The following SIK3 variants were observed in gnomAD, a reference collection of about 807,000 sequenced individuals.
SIK3 encodes serine/threonine-protein kinase SIK3.
A neutral mutation model predicts 144.2 loss-of-function variants in SIK3; 28 were observed. The observed-to-expected ratio is 0.19, with a 90% CI of 0.14 to 0.27. SIK3 has a LOEUF of 0.27. SIK3 is among the 10% of genes least tolerant of loss of function. The probability of loss-of-function intolerance (pLI) is 1.00; values close to 1 mark genes in which losing one functional copy is unlikely to be tolerated. For synonymous variants in SIK3, 686 were observed against 676.3 expected, an observed-to-expected ratio of 1.01 and a Z score of -0.22; for missense variants, 1,319 against 1,776.0, an observed-to-expected ratio of 0.74 and a Z score of 4.62.
At chr11:116,879,242 G>A (rs1026190554) in intron 6 of SIK3, among the ~76,000 whole-genome samples, 4 of 151,944 alleles carry the variant, frequency 2.6e-5, no homozygotes, top group African/African-American at 4.8e-5. Context: ...AATCACAACC[G>A]TCCTGAAAAC....
At chr11:116,911,284 G>T (rs12808437) in intron 4 of SIK3, among the ~76,000 whole-genome samples, 22,613 of 152,194 alleles carry the variant, frequency 0.15, 2,220 homozygotes, top group Middle Eastern at 0.22. Flanking sequence ...GAGGCAGGTG[G>T]ATCACCTGAG....
chr11:116,850,176 C>T lies in SIK3; in HGVS notation c.3656-893G>A, dbSNP rs111513868. Among the ~76,000 whole-genome samples, 156 of 152,338 alleles carry T rather than the reference C, an allele frequency of 1.0e-3. 1 individual carries two copies. Among genetic ancestry groups the T allele is most frequent in the African/African-American group, 3.6e-3 (149 of 41,570 alleles). On this transcript the variant is annotated intron_variant, in intron 21 of 24. Coordinates refer to ENST00000445177, the MANE Select transcript of SIK3 (RefSeq NM_001366686.3). ...TCATGGAAACCTGATTACCTCTTGC[C>T]TGGATTATTATGCTAGCCTCATAAC...
rs1944180213 is a variant in SIK3, at chr11:116,875,142, T to C, written c.1427+16A>G. The C allele has an allele frequency of 6.2e-7, 1 of 1,605,946 alleles. No homozygotes were observed. The highest frequency in any genetic ancestry group is 8.5e-7 in the Non-Finnish European group (1 of 1,173,514). ...TTTGCCCCAGTGTTAGTGAGGGCTG[T>C]TGGCCGGATACTCACCGTGGGTCAG... On this transcript the variant is annotated intron_variant, in intron 11 of 24. Coordinates refer to ENST00000445177, the MANE Select transcript of SIK3 (RefSeq NM_001366686.3).
chr11:117,016,410 A>AGGAAGGAAGGAAGGAAGGAG (rs1565559583), intron 1 of SIK3, among the ~76,000 whole-genome samples: 13 of 142,122 alleles, frequency 9.1e-5, no homozygotes, highest in Admixed American at 2.8e-4. Flanking sequence ...GAAGGAAGGA[A>AGGAAGGAAGGAAGGAAGGAG]GGAAGGAAGG....
chr11:116,878,125 C>T (rs1021627999), intron 6 of SIK3, among the ~76,000 whole-genome samples: 2 of 152,176 alleles, frequency 1.3e-5, no homozygotes, highest in Admixed American at 1.3e-4. Context: ...ACTAATTCAG[C>T]ACTGAACCAT....
intron 1 of SIK3, among the ~76,000 whole-genome samples, chr11:117,088,514 A>T (rs1955111310): frequency 6.6e-6 from 1 of 152,196 alleles, no homozygotes; most frequent in Admixed American, 6.5e-5. Flanking sequence ...CTTATTTTTA[A>T]TCCTTATATT....
At chr11:116,876,795 T>C in intron 7 of SIK3, 129 bp downstream of exon 7, 1 of 722,446 alleles carries the variant, frequency 1.4e-6, no homozygotes, top group East Asian at 2.7e-5. Flanking sequence ...CTTCACGTGC[T>C]GCTTTAGTGT....
Position 116,846,277 on chromosome 11 carries a change from G to A in SIK3, c.*13+106C>T. On this transcript the variant is annotated intron_variant, in intron 24 of 24. Transcript: ENST00000445177. The surrounding 1 kb of genome is among the most constrained non-coding windows in gnomAD (Gnocchi z 4.1). ...AGGCCACGAGGGGAGGCGTGGTACT[G>A]TCGACTGCACTGGCCACCACAACAC... 3 of 1,172,388 alleles carry A rather than the reference G, an allele frequency of 2.6e-6. No individual in the cohort carries two copies. The highest frequency in any genetic ancestry group is 2.4e-6 in the Non-Finnish European group (2 of 820,352). 72.6% of individuals were successfully genotyped at this position (1,172,388 alleles called of 1,614,324 possible).
chr11:116,980,659 C>T (rs965895529), intron 1 of SIK3, among the ~76,000 whole-genome samples: 2 of 152,098 alleles, frequency 1.3e-5, no homozygotes, highest in African/African-American at 2.4e-5. Context: ...TCAAGACCAG[C>T]CTGGGCAACA....
intron 16 of SIK3, among the ~76,000 whole-genome samples, 190 bp downstream of exon 16, chr11:116,863,478 G>A (rs887432079): frequency 6.6e-6 from 1 of 152,110 alleles, no homozygotes; most frequent in South Asian, 2.1e-4. Flanking sequence ...ATCCTCCCAC[G>A]TTGGCCTCCC....
chr11:117,070,481 T>C (rs1954215487), intron 1 of SIK3, among the ~76,000 whole-genome samples: 1 of 151,700 alleles, frequency 6.6e-6, no homozygotes, highest in Non-Finnish European at 1.5e-5. Context: ...AGTTTCACTC[T>C]TGTCGCCCAG....
chr11:116,946,364 CACTT>C, intron 3 of SIK3, among the ~76,000 whole-genome samples: 1 of 150,586 alleles, frequency 6.6e-6, no homozygotes, highest in East Asian at 2.0e-4. Flanking sequence ...AAGACTTTGT[CACTT>C]ACGGCACAGC....
chr11:117,088,926 C>CCT, intron 1 of SIK3, among the ~76,000 whole-genome samples: 1 of 152,244 alleles, frequency 6.6e-6, no homozygotes, highest in East Asian at 1.9e-4. Context: ...AAGTGATCCT[C>CCT]CTGCCTCAGC....
At position 117,003,301 on chromosome 11, in the gene SIK3, A is replaced by G. The variant is rs563895365; in HGVS notation, c.274-46237T>C. ...TACTTCTGTTCAAGAAGCCTTTAGT[A>G]AATAAGAACATAAAAGAAAAGCTTG... On this transcript the variant is annotated intron_variant, in intron 1 of 24. Coordinates refer to ENST00000445177, the MANE Select transcript of SIK3 (RefSeq NM_001366686.3). Among the ~76,000 whole-genome samples the G allele has an allele frequency of 3.6e-4, 55 of 152,320 alleles. No homozygotes were observed. In the South Asian group the frequency reaches 0.011, roughly 32 times the overall value.
chr11:116,885,665 C>A (rs1336929665), intron 6 of SIK3, among the ~76,000 whole-genome samples: 1 of 152,196 alleles, frequency 6.6e-6, no homozygotes, highest in Non-Finnish European at 1.5e-5. Context: ...AATCCCGATG[C>A]AGACAAATAT....
At chr11:117,098,021 C>G in intron 1 of SIK3, 122 bp downstream of exon 1, 1 of 1,145,252 alleles carries the variant, frequency 8.7e-7, no homozygotes, top group Non-Finnish European at 1.1e-6. Context: ...CTCCCTCCCG[C>G]CTCCCGGCCC....
chr11:117,073,018 T>C (rs1341677806), intron 1 of SIK3, among the ~76,000 whole-genome samples: 1 of 152,188 alleles, frequency 6.6e-6, no homozygotes, highest in African/African-American at 2.4e-5. Context: ...GATCTCAGTA[T>C]ACTTGGATCC....
At chr11:116,855,994 G>A (rs879295192) in intron 21 of SIK3, among the ~76,000 whole-genome samples, 11 of 152,144 alleles carry the variant, frequency 7.2e-5, no homozygotes, top group Non-Finnish European at 1.3e-4. Flanking sequence ...TCAGGAGATC[G>A]AGACCATCCT....
At chr11:117,058,285 G>A (rs1462439281) in intron 1 of SIK3, among the ~76,000 whole-genome samples, 2 of 152,250 alleles carry the variant, frequency 1.3e-5, no homozygotes, top group East Asian at 3.9e-4. Flanking sequence ...ACTTTGGCAG[G>A]CTGAGGCAGG....
Sources: allele counts gnomAD v4.1 joint callset (sites outside exome capture counted in the v4.1 genomes callset), GRCh38; gene constraint gnomAD v4.1.1; non-coding constraint Gnocchi (gnomAD v3.1); transcripts MANE v1.5; gene names NCBI Gene and HGNC (gene_info 2026-07-23, HGNC 2026-07-21).